DCLK1: variants seen among roughly 807,000 people sequenced by gnomAD.
DCLK1 encodes the protein doublecortin like kinase 1.
A neutral mutation model predicts 86.2 loss-of-function variants in DCLK1; 16 were observed. The observed-to-expected ratio is 0.19, with a 90% confidence interval of 0.13 to 0.28. DCLK1 has a LOEUF of 0.28. DCLK1 is among the 10% of genes least tolerant of loss of function. The pLI is 1.00. For synonymous variants in DCLK1, 369 were observed against 370.5 expected (o/e 1.00, Z 0.05); for missense variants, 590 against 940.2 (o/e 0.63, Z 4.87).
chr13:35,953,039 T>C (rs1278289885), intron 3 of DCLK1, among the ~76,000 whole-genome samples: 2 of 152,228 alleles, frequency 1.3e-5, no homozygotes, highest in African/African-American at 4.8e-5. Flanking sequence ...ACAGTAATTA[T>C]ATGATAAAGA....
intron 4 of DCLK1, among the ~76,000 whole-genome samples, chr13:35,939,466 G>T (rs139771526): frequency 2.6e-5 from 4 of 152,300 alleles, no homozygotes; most frequent in African/African-American, 9.6e-5. Flanking sequence ...CAGGAGTGGC[G>T]CAATCTCTGC....
At chr13:35,909,824 C>A (rs1283594527) in intron 4 of DCLK1, among the ~76,000 whole-genome samples, 2 of 151,860 alleles carry the variant, frequency 1.3e-5, no homozygotes, top group African/African-American at 2.4e-5. Context: ...CACAGACCAC[C>A]CTAGACTTTA....
chr13:35,950,647 T>C (rs979209336), intron 3 of DCLK1, among the ~76,000 whole-genome samples: 1 of 152,172 alleles, frequency 6.6e-6, no homozygotes, highest in African/African-American at 2.4e-5. Context: ...AATTCATTGC[T>C]CAGTAGGTGT....
intron 3 of DCLK1, among the ~76,000 whole-genome samples, chr13:36,037,419 A>T (rs1882542582): frequency 6.6e-6 from 1 of 152,086 alleles, no homozygotes; most frequent in Non-Finnish European, 1.5e-5. Flanking sequence ...TAAAGAAAAG[A>T]TATATATTTA....
chr13:35,966,162 T>A (rs1878723614), intron 3 of DCLK1, among the ~76,000 whole-genome samples: 1 of 152,158 alleles, frequency 6.6e-6, no homozygotes, highest in African/African-American at 2.4e-5. Context: ...GTGGGGAAAC[T>A]GGAACTCTTG....
chr13:36,000,424 GGCATT>G (rs1880661730), intron 3 of DCLK1, among the ~76,000 whole-genome samples: 1 of 152,140 alleles, frequency 6.6e-6, no homozygotes, highest in African/African-American at 2.4e-5. Context: ...GCAGCTACCA[GGCATT>G]GCAGGTGACA....
intron 3 of DCLK1, among the ~76,000 whole-genome samples, chr13:35,969,654 G>T (rs566911708): frequency 2.0e-5 from 3 of 152,162 alleles, no homozygotes; most frequent in Admixed American, 2.0e-4. Flanking sequence ...CCCTATCAGG[G>T]TTCCTCTTTC....
At chr13:35,944,098 A>G (rs1877237556) in intron 4 of DCLK1, among the ~76,000 whole-genome samples, 2 of 152,296 alleles carry the variant, frequency 1.3e-5, no homozygotes. Context: ...GCAGTTTCCG[A>G]TATTAATCTG....
intron 4 of DCLK1, among the ~76,000 whole-genome samples, chr13:35,896,872 A>T (rs528788673): frequency 3.9e-5 from 6 of 152,268 alleles, no homozygotes; most frequent in African/African-American, 1.4e-4. Flanking sequence ...CAGAAAACGG[A>T]CATTTAACCC....
intron 6 of DCLK1, chr13:35,849,975 T>C (rs1870490950): frequency 1.0e-6 from 1 of 962,430 alleles, no homozygotes; most frequent in South Asian, 4.8e-5. Flanking sequence ...AAGTTCTTCA[T>C]ATTGGCATAT....
rs558474319 is a variant in DCLK1, at chr13:35,924,863, G to A, written c.823+22495C>T. On this transcript the variant is annotated intron_variant, in intron 4 of 16. Coordinates refer to ENST00000360631, the MANE Select transcript of DCLK1 (RefSeq NM_001330071.2). Reference sequence around the variant, plus strand: ...CCCATTGCCTGTTCTTATGAATAATGCTTTATAAGAATACAGCTACCTGTA... The same window carrying A: ...CCCATTGCCTGTTCTTATGAATAATACTTTATAAGAATACAGCTACCTGTA... Among the ~76,000 whole-genome samples the A allele has an allele frequency of 1.4e-4, 21 of 152,236 alleles. No individual in the cohort carries two copies. In the East Asian group the frequency reaches 4.1e-3, roughly 29 times the overall value.
At chr13:35,811,180 T>C (rs763657315) in intron 11 of DCLK1, among the ~76,000 whole-genome samples, 2 of 152,188 alleles carry the variant, frequency 1.3e-5, no homozygotes, top group African/African-American at 2.4e-5. Context: ...CAAATGGAAA[T>C]TGATTAAATA....
At chr13:35,966,139 C>T (rs557194259) in intron 3 of DCLK1, among the ~76,000 whole-genome samples, 9 of 152,256 alleles carry the variant, frequency 5.9e-5, no homozygotes, top group South Asian at 2.1e-4. Context: ...AAATAACAAG[C>T]GTTGGCAAGG....
intron 3 of DCLK1, among the ~76,000 whole-genome samples, chr13:36,085,295 T>C (rs1884552809): frequency 6.6e-6 from 1 of 152,200 alleles, no homozygotes; most frequent in African/African-American, 2.4e-5. Context: ...CCTTTGTAGA[T>C]TCCAATCCCA....
At chr13:36,036,106 A>G (rs1163053904) in intron 3 of DCLK1, among the ~76,000 whole-genome samples, 1 of 152,152 alleles carries the variant, frequency 6.6e-6, no homozygotes, top group Admixed American at 6.5e-5. Context: ...CATGCCCATC[A>G]GTGTGCCATG....
chr13:35,792,826 A>C (rs1476202988), intron 16 of DCLK1, among the ~76,000 whole-genome samples: 1 of 152,232 alleles, frequency 6.6e-6, no homozygotes, highest in East Asian at 1.9e-4. Context: ...TTTCAACTTT[A>C]AGAACAGAAA....
intron 3 of DCLK1, among the ~76,000 whole-genome samples, chr13:36,027,217 T>C (rs961353644): frequency 5.3e-5 from 8 of 152,192 alleles, no homozygotes; most frequent in African/African-American, 1.7e-4. Context: ...GGGATGAAAC[T>C]GTTCCGCCTC....
intron 3 of DCLK1, among the ~76,000 whole-genome samples, chr13:36,088,381 G>A (rs1233089053): frequency 6.6e-6 from 1 of 152,180 alleles, no homozygotes; most frequent in African/African-American, 2.4e-5. Flanking sequence ...AGAAGAAGCT[G>A]GCTTCTGTAC....
intron 3 of DCLK1, among the ~76,000 whole-genome samples, chr13:35,962,988 A>T (rs1443109210): frequency 1.3e-5 from 2 of 152,202 alleles, no homozygotes; most frequent in East Asian, 3.8e-4. Context: ...GAAAGCTTTT[A>T]TAGGACACCT....
Sources: gnomAD v4.1 joint callset for allele counts (sites outside exome capture counted in the v4.1 genomes callset) on GRCh38, gnomAD v4.1.1 for gene constraint, MANE v1.5 for transcripts, NCBI Gene and HGNC (gene_info 2026-07-23, HGNC 2026-07-21) for gene names.